Variants in SLC13A3 observed in about 807,000 individuals in gnomAD.
SLC13A3 encodes the protein solute carrier family 13 member 3.
Under a neutral mutation model 59.0 loss-of-function variants are expected in SLC13A3, and 40 were observed. The ratio of observed to expected loss-of-function variants is 0.68; its 90% CI spans 0.53 to 0.88. SLC13A3 has a LOEUF of 0.88. Among genes scored for constraint, SLC13A3 ranks in the 40% least tolerant of loss-of-function variants. The pLI is 0.00. For missense variants in SLC13A3, 699 were observed against 783.2 expected, an observed-to-expected ratio of 0.89 and a Z score of 1.28; for synonymous variants, 317 against 330.3, an observed-to-expected ratio of 0.96 and a Z score of 0.44.
chr20:46,597,557 C>A (rs888901447), intron 4 of SLC13A3, among the ~76,000 whole-genome samples: 2 of 152,182 alleles, frequency 1.3e-5, no homozygotes, highest in Non-Finnish European at 2.9e-5. Flanking sequence ...CTGCCTCAGC[C>A]TCCCGAGTAA....
At chr20:46,583,410 G>A (rs1373571941) in intron 9 of SLC13A3, 162 bp downstream of exon 9, 38 of 1,418,136 alleles carry the variant, frequency 2.7e-5, no homozygotes, top group Non-Finnish European at 3.5e-5. Flanking sequence ...TACCACCTGG[G>A]GCAGCCCTCA....
At chr20:46,561,666 T>G (rs1336971262) in intron 12 of SLC13A3, among the ~76,000 whole-genome samples, 1 of 152,090 alleles carries the variant, frequency 6.6e-6, no homozygotes, top group Non-Finnish European at 1.5e-5. Context: ...TTTTGTTTTT[T>G]TTTTTTAATG....
chr20:46,569,215 C>T (rs191204090), intron 10 of SLC13A3, among the ~76,000 whole-genome samples: 40 of 152,154 alleles, frequency 2.6e-4, no homozygotes, highest in Admixed American at 5.2e-4. Flanking sequence ...TGGTTTGAAC[C>T]TCTGGGCTTA....
At chr20:46,634,635 G>C (rs941116534) in intron 1 of SLC13A3, among the ~76,000 whole-genome samples, 7 of 152,120 alleles carry the variant, frequency 4.6e-5, no homozygotes, top group Non-Finnish European at 7.3e-5. Flanking sequence ...TTCCTGCGGT[G>C]GCTCACACCC....
chr20:46,634,762 CGTT>C (rs910859075), intron 1 of SLC13A3, among the ~76,000 whole-genome samples: 8 of 152,132 alleles, frequency 5.3e-5, no homozygotes, highest in African/African-American at 1.9e-4. Context: ...GGGTAGAACA[CGTT>C]GTTCTGAGAA....
intron 1 of SLC13A3, among the ~76,000 whole-genome samples, chr20:46,636,490 G>T (rs2122836614): frequency 6.6e-6 from 1 of 152,324 alleles, no homozygotes; most frequent in Non-Finnish European, 1.5e-5. Context: ...AATCATTCAG[G>T]ACACGTGGAT....
chr20:46,566,557 G>A, intron 10 of SLC13A3, 167 bp from the exon 11 acceptor site: 1 of 655,900 alleles, frequency 1.5e-6, no homozygotes, highest in East Asian at 3.1e-5. Context: ...TTCGAGCCAA[G>A]GTCACACATC....
At chr20:46,663,728 G>A (rs947993566) in intron 1 of SLC13A3, among the ~76,000 whole-genome samples, 5 of 152,132 alleles carry the variant, frequency 3.3e-5, no homozygotes, top group African/African-American at 9.7e-5. Flanking sequence ...GAGGTACAGG[G>A]AAATTGAGTA....
chr20:46,631,466 C>T (rs1038987818), intron 1 of SLC13A3, among the ~76,000 whole-genome samples: 8 of 152,150 alleles, frequency 5.3e-5, no homozygotes, highest in African/African-American at 1.9e-4. Context: ...CATTGAAAGA[C>T]CATTGTGCCC....
At chr20:46,616,584 A>AGCCTCAAT (rs2062557724) in intron 1 of SLC13A3, among the ~76,000 whole-genome samples, 1 of 152,210 alleles carries the variant, frequency 6.6e-6, no homozygotes, top group Non-Finnish European at 1.5e-5. Flanking sequence ...TTGTTGGAAA[A>AGCCTCAAT]GCCTCAATGT....
chr20:46,674,613 G>A (rs1338492648), upstream of SLC13A3, among the ~76,000 whole-genome samples: 4 of 151,184 alleles, frequency 2.6e-5, no homozygotes, highest in African/African-American at 9.7e-5. Context: ...GCGTGTGTGT[G>A]TGTGTGTGTG....
chr20:46,656,875 C>T (rs964004788), intron 1 of SLC13A3, among the ~76,000 whole-genome samples: 5 of 152,036 alleles, frequency 3.3e-5, no homozygotes, highest in African/African-American at 1.2e-4. Flanking sequence ...TTCACTGATC[C>T]TTCTGCCTTC....
At chr20:46,613,800 C>A (rs2062527699) in intron 1 of SLC13A3, 75 bp from the exon 2 acceptor site, 4 of 1,300,656 alleles carry the variant, frequency 3.1e-6, no homozygotes, top group Non-Finnish European at 3.1e-6. Flanking sequence ...GGGCTCAGGG[C>A]AGAGGGGGAA....
upstream of SLC13A3, among the ~76,000 whole-genome samples, chr20:46,651,883 T>A (rs1313359858): frequency 6.6e-6 from 1 of 152,206 alleles, no homozygotes; most frequent in Non-Finnish European, 1.5e-5. Flanking sequence ...AATAATAGTC[T>A]ACACCATGGA....
chr20:46,672,156 G>A (rs1295188383), upstream of SLC13A3, among the ~76,000 whole-genome samples: 1 of 152,230 alleles, frequency 6.6e-6, no homozygotes, highest in Non-Finnish European at 1.5e-5. Context: ...ATAGGCAGAG[G>A]CCATGCCTGC....
At chr20:46,652,414 A>G (rs1169403133), upstream of SLC13A3, among the ~76,000 whole-genome samples, 1 of 151,946 alleles carries the variant, frequency 6.6e-6, no homozygotes, top group Non-Finnish European at 1.5e-5. Context: ...TTTGAGATGT[A>G]GTCTCACTCT....
chr20:46,682,703 T>G (rs1362613293), intron 1 of SLC13A3, among the ~76,000 whole-genome samples: 1 of 152,160 alleles, frequency 6.6e-6, no homozygotes. Context: ...AAAGCATGGG[T>G]CTGAATCCCA....
In SLC13A3 at chr20:46,617,609, C is replaced by T. The variant is rs113806956; in HGVS notation, c.112-3884G>A. Among the ~76,000 whole-genome samples, 291 of 69,246 alleles carry T rather than the reference C, an allele frequency of 4.2e-3. 2 individuals are homozygous for T. The highest frequency in any genetic ancestry group is 0.026 in the African/African-American group (199 of 7,526). 45.4% of individuals were successfully genotyped at this position (69,246 alleles called of 152,430 possible). On this transcript the variant is annotated intron_variant, in intron 1 of 12. Coordinates refer to ENST00000279027, the MANE Select transcript of SLC13A3 (RefSeq NM_022829.6). ...AAACTTGTGTGTGTGTGTGTGTGTG[C>T]GTGTGTGTGTGTGTGTGTGTATTAA...
intron 3 of SLC13A3, chr20:46,608,902 A>G: frequency 1.9e-6 from 3 of 1,550,744 alleles, no homozygotes; most frequent in Non-Finnish European, 2.6e-6. Flanking sequence ...CATCATATTC[A>G]CATTCCACCC....
Sources: gnomAD v4.1 joint callset for allele counts (sites outside exome capture counted in the v4.1 genomes callset) on GRCh38, gnomAD v4.1.1 for gene constraint, MANE v1.5 for transcripts, NCBI Gene and HGNC (gene_info 2026-07-23, HGNC 2026-07-21) for gene names.